SORCS1: variants seen among roughly 807,000 people sequenced by gnomAD.
The protein encoded by SORCS1 is VPS10 domain-containing receptor SorCS1.
Under a neutral mutation model 146.1 loss-of-function variants are expected in SORCS1, and 60 were observed. That is an observed-to-expected ratio of 0.41 (90% confidence interval 0.33 to 0.51). The LOEUF is 0.51. SORCS1 is among the 20% of genes least tolerant of loss of function. The pLI is 0.21. For missense variants in SORCS1, 1,352 were observed against 1,487.6 expected, an observed-to-expected ratio of 0.91 and a Z score of 1.50; for synonymous variants, 637 against 584.0, an observed-to-expected ratio of 1.09 and a Z score of -1.31.
At chr10:106,661,083 C>T (rs532218835) in intron 17 of SORCS1, among the ~76,000 whole-genome samples, 99 of 152,254 alleles carry the variant, frequency 6.5e-4, no homozygotes, top group Non-Finnish European at 1.2e-3. Flanking sequence ...GTATGCTCCC[C>T]GGTTCCAAAA....
intron 2 of SORCS1, among the ~76,000 whole-genome samples, chr10:106,905,157 A>G (rs774744903): frequency 1.1e-4 from 16 of 152,164 alleles, no homozygotes; most frequent in Non-Finnish European, 2.4e-4. Flanking sequence ...AGGTTGATTT[A>G]GAGAAGGAAA....
chr10:106,778,135 A>T (rs1860602313), intron 3 of SORCS1, among the ~76,000 whole-genome samples: 1 of 152,154 alleles, frequency 6.6e-6, no homozygotes, highest in Admixed American at 6.5e-5. Flanking sequence ...CTGTCACTGT[A>T]AATGGCACAA....
chr10:106,619,842 A>G (rs558742255), intron 20 of SORCS1, among the ~76,000 whole-genome samples: 51 of 152,332 alleles, frequency 3.3e-4, no homozygotes, highest in African/African-American at 1.1e-3. Context: ...GAGCATAGGG[A>G]ATATTTGGAA....
intron 1 of SORCS1, among the ~76,000 whole-genome samples, chr10:107,042,436 C>T (rs1243794979): frequency 6.6e-6 from 1 of 152,116 alleles, no homozygotes; most frequent in Admixed American, 6.5e-5. Flanking sequence ...AATAAGTTTT[C>T]TCTCTTATGC....
chr10:106,881,338 A>G (rs1375411845), intron 2 of SORCS1, among the ~76,000 whole-genome samples: 1 of 152,220 alleles, frequency 6.6e-6, no homozygotes, highest in Non-Finnish European at 1.5e-5. Flanking sequence ...GAAGATTAAA[A>G]TAACTATCGT....
In SORCS1 at chr10:107,126,961, C is replaced by T. The variant is rs11193206; in HGVS notation, c.558+37008G>A. Among the ~76,000 whole-genome samples, 956 of 152,260 alleles carry T rather than the reference C, an allele frequency of 6.3e-3. 6 individuals are homozygous for T. Among genetic ancestry groups the T allele is most frequent in the Non-Finnish European group, 0.011 (723 of 68,028 alleles). ...AGCAAGGGAACAGCATACAACTTAGCGCCACAGGCAAGTAGCCTTTCCATC... is the reference window on the plus strand; with the variant it reads ...AGCAAGGGAACAGCATACAACTTAGTGCCACAGGCAAGTAGCCTTTCCATC... On this transcript the variant is annotated intron_variant, in intron 1 of 25. Coordinates refer to ENST00000263054, the MANE Select transcript of SORCS1 (RefSeq NM_052918.5).
At chr10:106,593,198 C>G (rs886152561) in intron 24 of SORCS1, among the ~76,000 whole-genome samples, 4 of 150,556 alleles carry the variant, frequency 2.7e-5, no homozygotes, top group African/African-American at 9.8e-5. Context: ...TACCAAAGTG[C>G]CAAGTTTTCC....
chr10:106,659,677 G>C (rs1046872980), intron 17 of SORCS1, among the ~76,000 whole-genome samples: 22 of 152,118 alleles, frequency 1.4e-4, no homozygotes, highest in African/African-American at 4.8e-4. Flanking sequence ...TGGCACGTCT[G>C]GGACTCTGGA....
At chr10:106,634,403 TAGAA>T (rs1848613063) in intron 18 of SORCS1, among the ~76,000 whole-genome samples, 1 of 152,212 alleles carries the variant, frequency 6.6e-6, no homozygotes, top group South Asian at 2.1e-4. Context: ...ATCTAGGAGA[TAGAA>T]AGGACAGATG....
intron 1 of SORCS1, among the ~76,000 whole-genome samples, chr10:107,070,016 T>A (rs1392652271): frequency 6.6e-6 from 1 of 152,206 alleles, no homozygotes; most frequent in African/African-American, 2.4e-5. Context: ...TGAATCTACT[T>A]TCTGTCTGTA....
At chr10:106,816,560 G>GT (rs1428490164) in intron 3 of SORCS1, among the ~76,000 whole-genome samples, 2 of 152,110 alleles carry the variant, frequency 1.3e-5, no homozygotes, top group Admixed American at 6.5e-5. Flanking sequence ...GAGCTCTGCT[G>GT]TTTTTTGAAG....
At chr10:106,580,920 C>T (rs552604951) in intron 24 of SORCS1, among the ~76,000 whole-genome samples, 13 of 152,248 alleles carry the variant, frequency 8.5e-5, no homozygotes, top group South Asian at 6.2e-4. Context: ...GGAACCCCCC[C>T]GCTATTTTCT....
chr10:106,806,059 C>CAAAAAA (rs368242771), intron 3 of SORCS1, among the ~76,000 whole-genome samples: 4 of 100,150 alleles, frequency 4.0e-5, no homozygotes, highest in Non-Finnish European at 5.7e-5. Flanking sequence ...GACTCCGTCT[C>CAAAAAA]AAAAAAAAAA....
At chr10:106,859,755 A>T (rs1204642722) in intron 2 of SORCS1, among the ~76,000 whole-genome samples, 1 of 152,030 alleles carries the variant, frequency 6.6e-6, no homozygotes, top group Non-Finnish European at 1.5e-5. Context: ...TCTCCTTTAT[A>T]CTGTATGTGA....
intron 3 of SORCS1, among the ~76,000 whole-genome samples, chr10:106,798,869 G>GA (rs538882097): frequency 2.0e-5 from 3 of 152,230 alleles, no homozygotes; most frequent in Middle Eastern, 3.4e-3. Flanking sequence ...CACTGAATTG[G>GA]AAAAAACTAC....
intron 7 of SORCS1, among the ~76,000 whole-genome samples, chr10:106,708,838 C>A (rs1303640617): frequency 6.6e-6 from 1 of 152,136 alleles, no homozygotes; most frequent in Non-Finnish European, 1.5e-5. Context: ...GACCCTTTCC[C>A]AGATAGAAAG....
chr10:106,892,514 T>C (rs1037386216), intron 2 of SORCS1, among the ~76,000 whole-genome samples: 3 of 152,232 alleles, frequency 2.0e-5, no homozygotes, highest in South Asian at 4.1e-4. Flanking sequence ...AGCTTTAAAT[T>C]TGAATAACAA....
intron 1 of SORCS1, among the ~76,000 whole-genome samples, chr10:106,974,380 AATGTGAAGC>A (rs1382348162): frequency 6.6e-6 from 1 of 152,230 alleles, no homozygotes; most frequent in East Asian, 1.9e-4. Flanking sequence ...AAGGCTGGAA[AATGTGAAGC>A]ATGTTCAATA....
intron 6 of SORCS1, among the ~76,000 whole-genome samples, chr10:106,725,853 C>T (rs1373203309): frequency 8.4e-6 from 1 of 119,604 alleles, no homozygotes; most frequent in Non-Finnish European, 1.9e-5. Context: ...ATGGCTTGAA[C>T]CCAGGGGGCA....
Sources: gnomAD v4.1 joint callset for allele counts (sites outside exome capture counted in the v4.1 genomes callset) on GRCh38, gnomAD v4.1.1 for gene constraint, MANE v1.5 for transcripts, NCBI Gene and HGNC (gene_info 2026-07-23, HGNC 2026-07-21) for gene names.